DPY19L1: variants seen among roughly 807,000 people sequenced by gnomAD.
DPY19L1 encodes the protein dpy-19 like C-mannosyltransferase 1.
In DPY19L1, 35 loss-of-function variants were observed where a neutral mutation model predicts 96.9. That is an observed-to-expected ratio of 0.36 (90% CI 0.28 to 0.48). The LOEUF is 0.48. Among genes scored for constraint, DPY19L1 ranks in the 20% least tolerant of loss-of-function variants. DPY19L1 has a pLI of 0.99. For synonymous variants in DPY19L1, 205 were observed against 252.6 expected, an observed-to-expected ratio of 0.81 and a Z score of 1.79; for missense variants, 521 against 777.9, an observed-to-expected ratio of 0.67 and a Z score of 3.93.
chr7:34,987,026 T>C (rs976531597), intron 7 of DPY19L1, among the ~76,000 whole-genome samples: 1 of 151,936 alleles, frequency 6.6e-6, no homozygotes. Context: ...CAATCCTATT[T>C]CACAAAAAAA....
intron 16 of DPY19L1, among the ~76,000 whole-genome samples, chr7:34,944,538 A>G (rs982879375): frequency 6.6e-6 from 1 of 152,116 alleles, no homozygotes; most frequent in African/African-American, 2.4e-5. Flanking sequence ...TTTCCGGATC[A>G]TTTCTATGCA....
At chr7:34,963,040 CA>C (rs1319867304) in intron 10 of DPY19L1, among the ~76,000 whole-genome samples, 11 of 151,592 alleles carry the variant, frequency 7.3e-5, no homozygotes, top group Non-Finnish European at 1.5e-4. Context: ...ATTAAAAATA[CA>C]AAAATTAGCT....
At chr7:35,020,200 T>C (rs952133388) in intron 1 of DPY19L1, among the ~76,000 whole-genome samples, 2 of 152,256 alleles carry the variant, frequency 1.3e-5, no homozygotes, top group African/African-American at 4.8e-5. Context: ...ATGATTCAAC[T>C]ATCATTTTCT....
In DPY19L1 at chr7:34,931,644, C is replaced by G. The variant is rs959469546; in HGVS notation, c.2176G>C (p.Asp726His). The change falls in exon 22 of 22, where the codon GAT (aspartate) becomes CAT (histidine). Residue 726 changes from aspartate to histidine, a missense_variant. Physicochemically the swap from Asp to His is moderately conservative, Grantham distance 81. Coordinates refer to ENST00000638088, the MANE Select transcript of DPY19L1 (RefSeq NM_001366673.1). The part of the protein sequence containing the change: ...KTPLCNLLVK[D>H]SKPHFTTVFQ... ...ACAGTGGTGAAGTGAGGTTTGGAAT[C>G]CTTCACCAAGAGGTTACATAAGGGA... The G allele has an allele frequency of 7.5e-6, 12 of 1,598,888 alleles. No homozygotes were observed. The highest frequency in any genetic ancestry group is 1.0e-5 in the Non-Finnish European group (12 of 1,173,456).
rs1210300408 is a variant in DPY19L1 at position 34,929,838 on chromosome 7, CA to C, written c.*1734del. On this transcript the variant is annotated 3_prime_UTR_variant, in exon 22 of 22. Transcript: ENST00000638088. ...CTAAGAAATAAAAACAGTCAACCAG[CA>C]AATGAGAAACAGTGGCCACAAATCT... is the stretch of plus-strand genomic sequence containing the variant. 1 of 152,206 alleles carries C rather than the reference CA, an allele frequency of 6.6e-6. No individual in the cohort carries two copies. The highest frequency in any genetic ancestry group is 1.5e-5 in the Non-Finnish European group (1 of 68,048). The allele number at this position is 152,206 out of a possible 1,614,324, so 9.4% of individuals were successfully genotyped here.
At chr7:34,959,909 A>AAATATATATATT (rs1562806867) in intron 10 of DPY19L1, among the ~76,000 whole-genome samples, 3,016 of 116,758 alleles carry the variant, frequency 0.026, 55 homozygotes, top group Non-Finnish European at 0.04. Context: ...ATATATATAT[A>AAATATATATATT]TATATATATA....
intron 14 of DPY19L1, among the ~76,000 whole-genome samples, chr7:34,948,696 A>T (rs1353111555): frequency 6.6e-6 from 1 of 152,210 alleles, no homozygotes; most frequent in East Asian, 1.9e-4. Flanking sequence ...ATTCTCTAAT[A>T]TTTGAAGGAG....
chr7:34,960,376 C>T (rs1233438016), intron 10 of DPY19L1, among the ~76,000 whole-genome samples: 1 of 152,014 alleles, frequency 6.6e-6, no homozygotes, highest in East Asian at 1.9e-4. Context: ...TAGATTCCTG[C>T]ATATTTTCTT....
chr7:34,982,576 A>G (rs1784963462), intron 7 of DPY19L1, among the ~76,000 whole-genome samples: 1 of 152,256 alleles, frequency 6.6e-6, no homozygotes. Flanking sequence ...GAAACTAGAT[A>G]TAGCCCAAGT....
At chr7:35,036,332 C>G (rs1201038930) in intron 1 of DPY19L1, among the ~76,000 whole-genome samples, 1 of 152,106 alleles carries the variant, frequency 6.6e-6, no homozygotes, top group Non-Finnish European at 1.5e-5. Context: ...ATCCAAACTG[C>G]TACAACTTGC....
intron 6 of DPY19L1, among the ~76,000 whole-genome samples, chr7:35,009,939 CA>C (rs1280577771): frequency 6.6e-6 from 1 of 151,910 alleles, no homozygotes; most frequent in Non-Finnish European, 1.5e-5. Context: ...TATGAATATT[CA>C]AAATTTATGC....
Position 35,037,321 on chromosome 7 carries a change from G to A in DPY19L1, c.74C>T (p.Ser25Leu), listed in dbSNP as rs1220060883. The change falls in exon 1 of 22, where the codon TCG becomes TTG. Residue 25 changes from serine (S) to leucine (L), a missense_variant. Coordinates refer to ENST00000638088, the MANE Select transcript of DPY19L1 (RefSeq NM_001366673.1). Reference protein sequence around the residue: ...KPPQPPRASQSPLRGASDVGA... With the variant: ...KPPQPPRASQLPLRGASDVGA... ...GACGTCCGACGCCCCCCTCAGCGGC[G>A]ACTGTGAGGCGCGGGGTGGCTGGGG... 2.8e-6 allele frequency: 1 copy of A among 353,938 alleles called. No homozygotes were observed. Among genetic ancestry groups the A allele is most frequent in the Admixed American group, 4.7e-5 (1 of 21,098 alleles). 21.9% of individuals were successfully genotyped at this position (353,938 alleles called of 1,614,324 possible). A position where few individuals can be genotyped will look rare whatever the true frequency, so the allele number is the denominator to read the frequency against.
At chr7:35,031,805 G>C (rs2128683891) in intron 1 of DPY19L1, among the ~76,000 whole-genome samples, 1 of 152,050 alleles carries the variant, frequency 6.6e-6, no homozygotes, top group African/African-American at 2.4e-5. Flanking sequence ...AATATGTTTA[G>C]GTGATTATAA....
chr7:34,994,059 C>T (rs1785231462), intron 6 of DPY19L1, among the ~76,000 whole-genome samples: 1 of 152,066 alleles, frequency 6.6e-6, no homozygotes, highest in African/African-American at 2.4e-5. Flanking sequence ...GTGAAACTGT[C>T]TCAAAAAATA....
chr7:35,017,817 A>C, intron 3 of DPY19L1, 65 bp downstream of exon 3: 2 of 1,287,780 alleles, frequency 1.6e-6, no homozygotes, highest in Non-Finnish European at 2.1e-6. Context: ...ATTTTCCATA[A>C]TAAAAAATAT....
upstream of DPY19L1, chr7:35,037,785 G>GGCCCGACCCCTCTGGC: frequency 8.4e-7 from 1 of 1,195,434 alleles, no homozygotes; most frequent in Non-Finnish European, 1.0e-6. Context: ...GCGCAGGCGG[G>GGCCCGACCCCTCTGGC]GCCCGACCCC....
chr7:34,971,979 G>C (rs1784733248), intron 8 of DPY19L1, among the ~76,000 whole-genome samples: 2 of 152,196 alleles, frequency 1.3e-5, no homozygotes, highest in African/African-American at 4.8e-5. Context: ...TATCCAGGTG[G>C]ACCCAATGTA....
intron 7 of DPY19L1, among the ~76,000 whole-genome samples, chr7:34,978,035 A>G (rs561773476): frequency 6.6e-6 from 1 of 152,254 alleles, no homozygotes; most frequent in East Asian, 1.9e-4. Context: ...TCACTGAAGA[A>G]TCAATAACTA....
chr7:34,997,703 C>A, intron 6 of DPY19L1, among the ~76,000 whole-genome samples: 1 of 151,254 alleles, frequency 6.6e-6, no homozygotes, highest in East Asian at 1.9e-4. Flanking sequence ...AAAAATCCAG[C>A]CTGTATAAGC....
Sources: allele counts gnomAD v4.1 joint callset (sites outside exome capture counted in the v4.1 genomes callset), GRCh38; gene constraint gnomAD v4.1.1; transcripts MANE v1.5; gene names NCBI Gene and HGNC (gene_info 2026-07-23, HGNC 2026-07-21).